The following CDC7 variants were observed in gnomAD, a reference collection of about 807,000 sequenced individuals.
CDC7 encodes the protein cell division cycle 7-related protein kinase.
In CDC7, 34 loss-of-function variants were observed where a neutral mutation model predicts 53.5. The observed-to-expected ratio is 0.64, with a 90% CI of 0.48 to 0.85. The LOEUF is 0.85. Ranked by LOEUF, CDC7 falls within the 40% of genes least tolerant of loss-of-function variation. The pLI, the probability that CDC7 is intolerant of heterozygous loss-of-function variation, is 0.00. For missense variants in CDC7, 594 were observed against 679.7 expected (o/e 0.87, Z 1.40); for synonymous variants, 211 against 222.8 (o/e 0.95, Z 0.47).
chr1:91,514,684 C>G, intron 8 of CDC7, 135 bp from the exon 9 acceptor site: 1 of 558,944 alleles, frequency 1.8e-6, no homozygotes. Context: ...TAATAGACAA[C>G]AGTTTATTTA....
chr1:91,510,309 T>C (rs555264103), intron 4 of CDC7, among the ~76,000 whole-genome samples: 1 of 152,312 alleles, frequency 6.6e-6, no homozygotes, highest in Non-Finnish European at 1.5e-5. Context: ...TCATAGCATC[T>C]TTAGATTTCT....
Position 91,514,819 on chromosome 1 carries a change from C to G in CDC7, c.919C>G (p.Leu307Val). ...SISHESPAVK[L>V]MKQSKTVDVL... is the part of the protein sequence containing the mutation. ...GAAAAATGAGACTTTTCTTTTACAG[C>G]TCATGAAGCAGTCAAAGACTGTGGA... Residue 307 changes from leucine to valine, a missense_variant and splice_region_variant, in exon 9 of 12, where the codon CTC becomes GTC. By Grantham distance (32) the Leu-to-Val change is conservative. Transcript: ENST00000234626. 6.3e-7 allele frequency: 1 copy of G among 1,582,756 alleles called. No homozygotes were observed. Among genetic ancestry groups the G allele is most frequent in the African/African-American group, 1.4e-5 (1 of 73,374 alleles).
Position 91,511,685 on chromosome 1 carries a change from T to A in CDC7, c.424T>A (p.Phe142Ile). The A allele has an allele frequency of 6.2e-7, 1 of 1,606,196 alleles. No homozygotes were observed. Among genetic ancestry groups the A allele is most frequent in the Non-Finnish European group, 8.5e-7 (1 of 1,174,204 alleles). Residue 142 changes from phenylalanine (F) to isoleucine (I), a missense_variant, in exon 5 of 12, where the codon TTT becomes ATT. Coordinates refer to ENST00000234626, the MANE Select transcript of CDC7 (RefSeq NM_003503.4). ...TATGCCATATCTGGAGCATGAGTCGTTTTTGGTAGGTTTTAATATTTCTTG... is the reference window on the plus strand; with the variant it reads ...TATGCCATATCTGGAGCATGAGTCGATTTTGGTAGGTTTTAATATTTCTTG... ...IAMPYLEHES[F>I]LDILNSLSFQ...
intron 11 of CDC7, among the ~76,000 whole-genome samples, chr1:91,521,687 C>T (rs1667955802): frequency 6.6e-6 from 1 of 151,886 alleles, no homozygotes. Flanking sequence ...GGTTTATGAA[C>T]ATGAAGTTTA....
At chr1:91,507,985 T>C (rs753022410) in intron 3 of CDC7, 48 bp downstream of exon 3, 2 of 1,482,536 alleles carry the variant, frequency 1.3e-6, no homozygotes, top group South Asian at 2.6e-5. Flanking sequence ...CTTTTTTCCA[T>C]TCTATTTTCC....
chr1:91,503,651 T>C (rs1033800875), intron 2 of CDC7, among the ~76,000 whole-genome samples: 1 of 152,202 alleles, frequency 6.6e-6, no homozygotes, highest in African/African-American at 2.4e-5. Flanking sequence ...TTTGAGATAT[T>C]TGTCAGATTT....
intron 10 of CDC7, among the ~76,000 whole-genome samples, chr1:91,518,780 C>CA (rs1343663633): frequency 1.3e-5 from 2 of 151,832 alleles, no homozygotes; most frequent in African/African-American, 2.4e-5. Context: ...CTGATGGGTA[C>CA]AAAAAATAGT....
chr1:91,513,057 G>A lies in CDC7; in HGVS notation c.573-1G>A, dbSNP rs1393038489. ...TAAAAATGCTTAATTTTGTCTCTTA[G>A]GTATGCCTTGGTAGACTTTGGTTTG... On this transcript the variant is annotated splice_acceptor_variant, in intron 6 of 11. Transcript: ENST00000234626. LOFTEE classifies it high-confidence loss of function. 6.8e-6 allele frequency: 11 copies of A among 1,612,566 alleles called. No homozygotes were observed. Among genetic ancestry groups the A allele is most frequent in the Non-Finnish European group, 9.3e-6 (11 of 1,179,158 alleles).
rs778864062 is a variant in CDC7, at chr1:91,511,921, AAAGT to A, written c.572+4_572+7del. 4 of 1,578,752 alleles carry A rather than the reference AAAGT, an allele frequency of 2.5e-6. 1 individual carries two copies. The South Asian group carries it at 4.7e-5, about 18-fold the overall frequency. ...ATTTTTTATATAATAGGCGCCTGAA[AAAGT>A]AAGTATGAAGAGTTACTAGAAAATA... On this transcript the variant is annotated splice_donor_variant and coding_sequence_variant, in exon 6 of 12. Coordinates refer to ENST00000234626, the MANE Select transcript of CDC7 (RefSeq NM_003503.4). LOFTEE classifies it high-confidence loss of function.
chr1:91,509,043 C>G (rs1372088332), intron 4 of CDC7, among the ~76,000 whole-genome samples: 6 of 152,136 alleles, frequency 3.9e-5, no homozygotes, highest in Non-Finnish European at 8.8e-5. Context: ...TTGACGTGAA[C>G]CCTTGTCTTG....
Position 91,511,101 on chromosome 1 carries a change from C to T in CDC7, c.336-496C>T, listed in dbSNP as rs557005195. On this transcript the variant is annotated intron_variant, in intron 4 of 11. Transcript: ENST00000234626. ...TGCTTCTTTTACTGGCTTCTCTACT[C>T]ATTTTTTGGTATCTCTATTGTTTTC... 1.4e-4 allele frequency among the ~76,000 whole-genome samples: 21 copies of T among 152,234 alleles called. No homozygotes were observed. The South Asian group carries it at 4.4e-3, about 32-fold the overall frequency.
intron 2 of CDC7, among the ~76,000 whole-genome samples, 182 bp downstream of exon 2, chr1:91,502,013 CTG>C (rs1226119166): frequency 3.3e-5 from 5 of 152,192 alleles, no homozygotes; most frequent in East Asian, 3.8e-4. Context: ...ATTTGGAAGA[CTG>C]TAATACAACC....
At chr1:91,515,952 A>G in intron 10 of CDC7, 76 bp downstream of exon 10, 4 of 1,181,974 alleles carry the variant, frequency 3.4e-6, no homozygotes, top group East Asian at 2.4e-5. Flanking sequence ...ATCTTTGTCT[A>G]TTTATAACTA....
Position 91,524,497 on chromosome 1 carries a change from A to G in CDC7, c.*62A>G. On this transcript the variant is annotated 3_prime_UTR_variant, in exon 12 of 12. Transcript: ENST00000234626. ...AGAATAAAAAAGAATACTTTGTAAT[A>G]GCCACAAGTTCTTGTTTAGAGACCA... 1 of 1,288,956 alleles carries G rather than the reference A, an allele frequency of 7.8e-7. No individual in the cohort carries two copies. 79.8% of individuals were successfully genotyped at this position (1,288,956 alleles called of 1,614,324 possible).
intron 10 of CDC7, among the ~76,000 whole-genome samples, chr1:91,519,766 A>G (rs1302104290): frequency 6.6e-6 from 1 of 152,168 alleles, no homozygotes; most frequent in African/African-American, 2.4e-5. Context: ...GATCATTCAG[A>G]TTTTTTCCCA....
At chr1:91,513,767 T>C (rs1557594528) in intron 7 of CDC7, among the ~76,000 whole-genome samples, 181 bp from the exon 8 acceptor site, 1 of 152,154 alleles carries the variant, frequency 6.6e-6, no homozygotes, top group Admixed American at 6.5e-5. Context: ...ATTGTATGGG[T>C]GTTGAGTTCT....
In CDC7 at chr1:91,524,202, T is replaced by G. The variant is rs35055915; in HGVS notation, c.1492T>G (p.Ser498Ala). Reference sequence around the variant, plus strand: ...TTCAGAGAAGACTGACCATAAAGCTTCTTGCCTCGTTCAAACACCTCCAGG... The same window carrying G: ...TTCAGAGAAGACTGACCATAAAGCTGCTTGCCTCGTTCAAACACCTCCAGG... Reference protein sequence around the residue: ...AISEKTDHKASCLVQTPPGQY... With the variant: ...AISEKTDHKAACLVQTPPGQY... Residue 498 changes from serine to alanine, a missense_variant, in exon 12 of 12, where the codon TCT becomes GCT. Physicochemically the swap from Ser to Ala is moderately conservative, Grantham distance 99. Coordinates refer to ENST00000234626, the MANE Select transcript of CDC7 (RefSeq NM_003503.4). 344 of 1,614,066 alleles carry G rather than the reference T, an allele frequency of 2.1e-4. 3 individuals are homozygous for G. In the East Asian group the frequency reaches 7.5e-3, roughly 35 times the overall value.
Position 91,514,050 on chromosome 1 carries a change from A to T in CDC7, c.918+7A>T. 6.5e-7 allele frequency: 1 copy of T among 1,534,788 alleles called. No individual in the cohort carries two copies. Among genetic ancestry groups the T allele is most frequent in the Non-Finnish European group, 9.0e-7 (1 of 1,108,666 alleles). On this transcript the variant is annotated splice_region_variant and intron_variant, in intron 8 of 11. Coordinates refer to ENST00000234626, the MANE Select transcript of CDC7 (RefSeq NM_003503.4). Reference sequence around the variant, plus strand: ...TGAGAGCCCTGCAGTGAAAGTAAGTAATGTAGCTTAATAGCATAATGGTCA... The same window carrying T: ...TGAGAGCCCTGCAGTGAAAGTAAGTTATGTAGCTTAATAGCATAATGGTCA...
At chr1:91,522,504 T>C (rs1668012263) in intron 11 of CDC7, among the ~76,000 whole-genome samples, 1 of 152,198 alleles carries the variant, frequency 6.6e-6, no homozygotes, top group Non-Finnish European at 1.5e-5. Context: ...TAATAAAATA[T>C]GTTGACTGAT....
Sources: allele counts gnomAD v4.1 joint callset (sites outside exome capture counted in the v4.1 genomes callset), GRCh38; gene constraint gnomAD v4.1.1; transcripts MANE v1.5; gene names NCBI Gene and HGNC (gene_info 2026-07-23, HGNC 2026-07-21).